Variants in KCNQ3 observed in about 807,000 individuals in gnomAD.
The protein encoded by KCNQ3 is potassium voltage-gated channel subfamily Q member 3.
A neutral mutation model predicts 92.5 loss-of-function variants in KCNQ3; 30 were observed. That is an observed-to-expected ratio of 0.32 (90% CI 0.24 to 0.44). The LOEUF (loss-of-function observed/expected upper bound fraction) is 0.44, where lower values mean the gene tolerates loss of function less well. Ranked by LOEUF, KCNQ3 falls within the 20% of genes least tolerant of loss-of-function variation. The pLI, the probability that KCNQ3 is intolerant of heterozygous loss-of-function variation, is 1.00. For missense variants in KCNQ3, 913 were observed against 1,140.3 expected (o/e 0.80, Z 2.87); for synonymous variants, 450 against 468.8 (o/e 0.96, Z 0.52).
chr8:132,438,696 C>A (rs1216798074), intron 1 of KCNQ3, among the ~76,000 whole-genome samples: 1 of 152,010 alleles, frequency 6.6e-6, no homozygotes, highest in Admixed American at 6.6e-5. Context: ...AAAACTAATA[C>A]TGTGGAAAGA....
intron 4 of KCNQ3, 64 bp downstream of exon 4, chr8:132,180,093 G>A: frequency 6.4e-7 from 1 of 1,555,140 alleles, no homozygotes; most frequent in Non-Finnish European, 8.9e-7. Flanking sequence ...AGGAAGGGAT[G>A]TCATGGAAGG....
chr8:132,325,927 G>A (rs149516413), intron 1 of KCNQ3, among the ~76,000 whole-genome samples: 12 of 152,332 alleles, frequency 7.9e-5, no homozygotes, highest in Non-Finnish European at 1.6e-4. Context: ...ATTTAGGTCT[G>A]AGAAGAGAAA....
intron 1 of KCNQ3, among the ~76,000 whole-genome samples, chr8:132,444,028 GT>G (rs1821609029): frequency 6.6e-6 from 1 of 152,106 alleles, no homozygotes. Flanking sequence ...GTACCGAGAG[GT>G]TCAGAAACTT....
At position 132,140,184 on chromosome 8, in the gene KCNQ3, A is replaced by AGGGAGACACACATATGAAC. The variant is rs765933481; in HGVS notation, c.1466-25_1466-7dup. 1 of 1,607,038 alleles carries AGGGAGACACACATATGAAC rather than the reference A, an allele frequency of 6.2e-7. No individual in the cohort carries two copies. Among genetic ancestry groups the AGGGAGACACACATATGAAC allele is most frequent in the African/African-American group, 1.3e-5 (1 of 74,736 alleles). ...GGGGTCACCTGTCCCGGCATCTGGG[A>AGGGAGACACACATATGAAC]GGGAGACACACATATGAACGGCAGG... On this transcript the variant is annotated splice_region_variant and splice_polypyrimidine_tract_variant and intron_variant, in intron 10 of 14. Coordinates refer to ENST00000388996, the MANE Select transcript of KCNQ3 (RefSeq NM_004519.4).
rs758365573 is a variant in KCNQ3 at position 132,184,335 on chromosome 8, C to T, written c.510G>A (p.Glu170=). ...CAGCAGCCCAGATCCTCAAAGCAAA[C>T]TCGGCTCCAAAGATGAAAATAGCAA... ...ETFAIFIFGA[E]FALRIWAAGC... Residue 170 remains glutamate (E), a synonymous_variant, in exon 3 of 15, where the codon GAG becomes GAA. Transcript: ENST00000388996. 1.2e-6 allele frequency: 2 copies of T among 1,614,040 alleles called. No homozygotes were observed. Among genetic ancestry groups the T allele is most frequent in the Non-Finnish European group, 1.7e-6 (2 of 1,180,036 alleles).
At chr8:132,364,007 C>A (rs1031237359) in intron 1 of KCNQ3, among the ~76,000 whole-genome samples, 1 of 151,922 alleles carries the variant, frequency 6.6e-6, no homozygotes, top group Non-Finnish European at 1.5e-5. Context: ...CTGTTCTTGG[C>A]TAGCAGCAGC....
At chr8:132,349,896 G>A (rs979705992) in intron 1 of KCNQ3, among the ~76,000 whole-genome samples, 3 of 152,222 alleles carry the variant, frequency 2.0e-5, no homozygotes, top group African/African-American at 7.2e-5. Flanking sequence ...ACAGCTGACT[G>A]ATGTACTCAG....
At chr8:132,166,405 G>A (rs1392696414) in intron 8 of KCNQ3, among the ~76,000 whole-genome samples, 3 of 152,092 alleles carry the variant, frequency 2.0e-5, no homozygotes, top group Non-Finnish European at 2.9e-5. Flanking sequence ...ATATAAGAAC[G>A]TATAATCTGC....
intron 1 of KCNQ3, among the ~76,000 whole-genome samples, chr8:132,408,484 G>A (rs1342873700): frequency 2.0e-5 from 3 of 152,142 alleles, no homozygotes; most frequent in Admixed American, 6.5e-5. Context: ...GCCCTGCTAC[G>A]CTAGGCAGAC....
intron 1 of KCNQ3, among the ~76,000 whole-genome samples, chr8:132,469,885 G>A (rs187574069): frequency 5.3e-5 from 8 of 151,906 alleles, no homozygotes; most frequent in Admixed American, 2.0e-4. Context: ...CCAAGCAGAA[G>A]AAGGATACCA....
At chr8:132,251,294 C>T (rs1477396140) in intron 1 of KCNQ3, among the ~76,000 whole-genome samples, 1 of 152,098 alleles carries the variant, frequency 6.6e-6, no homozygotes, top group Non-Finnish European at 1.5e-5. Context: ...TTGTATTGCC[C>T]TCCAAAAAAG....
chr8:132,378,034 AC>A, intron 1 of KCNQ3, among the ~76,000 whole-genome samples: 1 of 152,172 alleles, frequency 6.6e-6, no homozygotes, highest in East Asian at 1.9e-4. Context: ...TGAAAAAATG[AC>A]ACTTTTTTTC....
chr8:132,470,856 T>C (rs1822284525), intron 1 of KCNQ3, among the ~76,000 whole-genome samples: 1 of 152,224 alleles, frequency 6.6e-6, no homozygotes, highest in African/African-American at 2.4e-5. Flanking sequence ...GAAGAGACCA[T>C]TCCAGATATC....
intron 1 of KCNQ3, among the ~76,000 whole-genome samples, chr8:132,448,061 T>C (rs1434431602): frequency 6.6e-6 from 1 of 152,134 alleles, no homozygotes; most frequent in Non-Finnish European, 1.5e-5. Flanking sequence ...GCCTGGAAAA[T>C]GCAAATGCTC....
At chr8:132,275,142 C>G (rs1816283405) in intron 1 of KCNQ3, among the ~76,000 whole-genome samples, 1 of 151,994 alleles carries the variant, frequency 6.6e-6, no homozygotes, top group African/African-American at 2.4e-5. Context: ...TTGTTGAGGA[C>G]AGAGTAAGTA....
chr8:132,221,865 G>A (rs921131703), intron 1 of KCNQ3, among the ~76,000 whole-genome samples: 9 of 152,136 alleles, frequency 5.9e-5, no homozygotes, highest in African/African-American at 7.2e-5. Flanking sequence ...CTAGCCATAC[G>A]TAGAAAACTG....
intron 1 of KCNQ3, among the ~76,000 whole-genome samples, chr8:132,357,883 A>T (rs533106944): frequency 4.6e-5 from 7 of 152,164 alleles, no homozygotes; most frequent in African/African-American, 1.7e-4. Context: ...TTCCTTACTC[A>T]TGTCCTTCCC....
At chr8:132,460,516 G>C (rs1822037960) in intron 1 of KCNQ3, among the ~76,000 whole-genome samples, 1 of 152,066 alleles carries the variant, frequency 6.6e-6, no homozygotes, top group South Asian at 2.1e-4. Context: ...AAGTATAACA[G>C]TATGAGAATC....
intron 1 of KCNQ3, among the ~76,000 whole-genome samples, chr8:132,438,859 T>A (rs1821459895): frequency 6.6e-6 from 1 of 151,346 alleles, no homozygotes; most frequent in Non-Finnish European, 1.5e-5. Context: ...GATTCAAGCA[T>A]TGCATGTGGA....
Sources: allele counts gnomAD v4.1 joint callset (sites outside exome capture counted in the v4.1 genomes callset), GRCh38; gene constraint gnomAD v4.1.1; transcripts MANE v1.5; gene names NCBI Gene and HGNC (gene_info 2026-07-23, HGNC 2026-07-21).